The following DTNB variants were observed in gnomAD, a reference collection of about 807,000 sequenced individuals.
DTNB encodes the protein dystrobrevin beta.
DTNB carries 63 observed loss-of-function variants against 90.7 expected under a neutral mutation model. The ratio of observed to expected loss-of-function variants is 0.69; its 90% CI spans 0.57 to 0.86. DTNB has a LOEUF of 0.86. Among genes scored for constraint, DTNB ranks in the 40% least tolerant of loss-of-function variants. DTNB has a pLI of 0.00. For synonymous variants in DTNB, 277 were observed against 286.7 expected (o/e 0.97, Z 0.34); for missense variants, 744 against 807.1 (o/e 0.92, Z 0.95).
At chr2:25,385,120 C>T (rs746973733) in intron 18 of DTNB, among the ~76,000 whole-genome samples, 15 of 152,060 alleles carry the variant, frequency 9.9e-5, no homozygotes, top group Non-Finnish European at 2.1e-4. Context: ...TTAGGTGATC[C>T]ACCTGCCTCA....
rs1442410641 is a variant in DTNB at position 25,387,618 on chromosome 2, T to C, written c.1736-240A>G. On this transcript the variant is annotated intron_variant, in intron 17 of 20. Coordinates refer to ENST00000406818, the MANE Select transcript of DTNB (RefSeq NM_021907.5). The surrounding 1 kb of genome is among the most constrained non-coding windows in gnomAD (Gnocchi z 4.5). ...GCAGCATCCTGTCAACTCCACGCTT[T>C]GCCGCCACCACACAATCCAGAGCTG... 6.6e-6 allele frequency among the ~76,000 whole-genome samples: 1 copy of C among 152,146 alleles called. No individual in the cohort carries two copies. Among genetic ancestry groups the C allele is most frequent in the Non-Finnish European group, 1.5e-5 (1 of 68,014 alleles).
At chr2:25,469,912 G>A (rs565068362) in intron 10 of DTNB, among the ~76,000 whole-genome samples, 7 of 152,304 alleles carry the variant, frequency 4.6e-5, no homozygotes, top group African/African-American at 1.2e-4. Context: ...TGAGGAGGCC[G>A]TGCAATATCA....
At chr2:25,400,182 G>A (rs753990822) in intron 16 of DTNB, among the ~76,000 whole-genome samples, 2 of 152,144 alleles carry the variant, frequency 1.3e-5, no homozygotes, top group African/African-American at 4.8e-5. Context: ...AGTGTGTGGC[G>A]CACATGCAGT....
chr2:25,491,401 T>C (rs1039882622), intron 9 of DTNB, among the ~76,000 whole-genome samples: 2 of 152,146 alleles, frequency 1.3e-5, no homozygotes, highest in African/African-American at 4.8e-5. Flanking sequence ...ATCTGTGATA[T>C]TTTTACTATT....
intron 9 of DTNB, among the ~76,000 whole-genome samples, chr2:25,526,395 A>ATATATATATATATATATTTT: frequency 4.0e-5 from 2 of 49,828 alleles, no homozygotes; most frequent in African/African-American, 2.0e-4. Flanking sequence ...ATATATATAT[A>ATATATATATATATATATTTT]TTTTTTTTTT....
chr2:25,668,069 C>G (rs1379731442), intron 1 of DTNB, among the ~76,000 whole-genome samples: 1 of 152,096 alleles, frequency 6.6e-6, no homozygotes, highest in East Asian at 1.9e-4. Context: ...GAAACCCCGT[C>G]TCTACTAAAA....
At chr2:25,427,688 C>T (rs2052307632) in intron 14 of DTNB, 57 bp from the exon 15 acceptor site, 1 of 1,555,772 alleles carries the variant, frequency 6.4e-7, no homozygotes, top group African/African-American at 1.4e-5. Context: ...GATCTAAGGC[C>T]AGGTGAAATG....
chr2:25,392,896 G>A (rs760931042), intron 16 of DTNB, among the ~76,000 whole-genome samples: 2 of 152,126 alleles, frequency 1.3e-5, no homozygotes, highest in Admixed American at 6.5e-5. Flanking sequence ...ATCATTCTAC[G>A]AAGCCAGTAT....
chr2:25,402,058 C>G (rs2043868038), intron 16 of DTNB, among the ~76,000 whole-genome samples: 1 of 152,190 alleles, frequency 6.6e-6, no homozygotes, highest in Non-Finnish European at 1.5e-5. Flanking sequence ...ATGTAGAGAA[C>G]AGCCTTTGTC....
chr2:25,494,156 A>G (rs1476933541), intron 9 of DTNB, among the ~76,000 whole-genome samples: 1 of 152,190 alleles, frequency 6.6e-6, no homozygotes, highest in African/African-American at 2.4e-5. Context: ...CCTCAGAAAC[A>G]TTACGTGAAT....
intron 12 of DTNB, among the ~76,000 whole-genome samples, chr2:25,435,342 T>C (rs942231226): frequency 2.0e-5 from 3 of 152,188 alleles, no homozygotes; most frequent in Admixed American, 6.5e-5. Context: ...TTTTAATGTA[T>C]TCATGAGGTT....
At chr2:25,595,512 C>T (rs531390728) in intron 6 of DTNB, among the ~76,000 whole-genome samples, 274 of 152,282 alleles carry the variant, frequency 1.8e-3, no homozygotes, top group African/African-American at 6.4e-3. Flanking sequence ...GAGGCATGGA[C>T]GCTGGCTGTA....
chr2:25,477,403 A>T (rs1037771224), intron 10 of DTNB, among the ~76,000 whole-genome samples: 1 of 152,208 alleles, frequency 6.6e-6, no homozygotes, highest in South Asian at 2.1e-4. Context: ...TAATATTTAT[A>T]CTGTGGCATC....
chr2:25,437,975 C>G (rs566182559), intron 12 of DTNB, among the ~76,000 whole-genome samples: 12 of 152,088 alleles, frequency 7.9e-5, no homozygotes, highest in African/African-American at 2.7e-4. Flanking sequence ...AACAGTGAAC[C>G]GGGACAGAAA....
chr2:25,651,999 A>G (rs562333956), intron 2 of DTNB, among the ~76,000 whole-genome samples: 49 of 152,342 alleles, frequency 3.2e-4, no homozygotes, highest in Admixed American at 2.5e-3. Context: ...TCAAGGTCAC[A>G]TGGTCATGGT....
chr2:25,633,834 G>A (rs1379113094), intron 3 of DTNB, among the ~76,000 whole-genome samples: 14 of 150,006 alleles, frequency 9.3e-5, no homozygotes, highest in Admixed American at 6.6e-5. Context: ...ACCCCGTCTG[G>A]GATGTGAGGA....
At chr2:25,547,155 T>A (rs2082606510) in intron 8 of DTNB, among the ~76,000 whole-genome samples, 1 of 152,106 alleles carries the variant, frequency 6.6e-6, no homozygotes, top group African/African-American at 2.4e-5. Flanking sequence ...GGCCAGACTT[T>A]CAATTATTTT....
chr2:25,512,294 C>A (rs921846880), intron 9 of DTNB, among the ~76,000 whole-genome samples: 7 of 152,160 alleles, frequency 4.6e-5, no homozygotes, highest in African/African-American at 1.7e-4. Flanking sequence ...CATACCAAAT[C>A]AACAAGCAAG....
intron 10 of DTNB, among the ~76,000 whole-genome samples, chr2:25,459,691 G>A (rs2060626202): frequency 6.6e-6 from 1 of 152,136 alleles, no homozygotes; most frequent in African/African-American, 2.4e-5. Context: ...ACAGGGTTTT[G>A]CCATGGTGGC....
Sources: gnomAD v4.1 joint callset for allele counts (sites outside exome capture counted in the v4.1 genomes callset) on GRCh38, gnomAD v4.1.1 for gene constraint, Gnocchi (gnomAD v3.1) non-coding constraint, MANE v1.5 for transcripts, NCBI Gene and HGNC (gene_info 2026-07-23, HGNC 2026-07-21) for gene names.